CEP131: variants seen among roughly 807,000 people sequenced by gnomAD.
CEP131 encodes centrosomal protein of 131 kDa.
In CEP131, 99 loss-of-function variants were observed where a neutral mutation model predicts 136.8. The ratio of observed to expected loss-of-function variants is 0.72; its 90% CI spans 0.62 to 0.86. CEP131 has a LOEUF of 0.86. Ranked by LOEUF, CEP131 falls within the 40% of genes least tolerant of loss-of-function variation. CEP131 has a pLI of 0.00. For synonymous variants in CEP131, 646 were observed against 612.7 expected (o/e 1.05, Z -0.80); for missense variants, 1,459 against 1,463.0 (o/e 1.00, Z 0.04).
intron 18 of CEP131, 21 bp downstream of exon 18, chr17:81,193,905 C>T (rs750678939): frequency 1.7e-5 from 26 of 1,530,814 alleles, no homozygotes; most frequent in South Asian, 6.0e-5. Context: ...CTGGCCCCAC[C>T]GGCCTGGGGC....
chr17:81,194,374 C>T (rs540497931), intron 17 of CEP131, among the ~76,000 whole-genome samples: 198 of 152,308 alleles, frequency 1.3e-3, no homozygotes, highest in African/African-American at 4.2e-3. Context: ...CTACCACTGA[C>T]GGCTCCCAGG....
At chr17:81,218,035 C>T (rs1301355169) in intron 2 of CEP131, among the ~76,000 whole-genome samples, 24 of 151,308 alleles carry the variant, frequency 1.6e-4, no homozygotes, top group African/African-American at 5.8e-4. Flanking sequence ...CTCCCCCTCC[C>T]TCTTTCTTTC....
rs546030598 is a variant in CEP131, at chr17:81,208,932, G to C, written c.268C>G (p.Pro90Ala). The change falls in exon 3 of 26, where the codon CCC becomes GCC. Residue 90 changes from proline (P) to alanine (A), a missense_variant. Transcript: ENST00000450824. This position sits in a 1 kb window ranked among gnomAD's most constrained non-coding sequence, Gnocchi z 5.6. The stretch of plus-strand genomic sequence containing the variant: ...TCCAAGGGCCTTAGGGGTTACCTGG[G>C]GGAGCCGCTCCGAGGCTGGCTGACC... ...TQVSQPRSGS[P>A]RPTEPTDFLM... 3 of 1,613,452 alleles carry C rather than the reference G, an allele frequency of 1.9e-6. No individual in the cohort carries two copies. In the South Asian group the frequency reaches 3.3e-5, roughly 18 times the overall value.
chr17:81,208,633 GA>G lies in CEP131; in HGVS notation c.272+294del, dbSNP rs2062066544. 6.6e-6 allele frequency among the ~76,000 whole-genome samples: 1 copy of G among 152,244 alleles called. No individual in the cohort carries two copies. The highest frequency in any genetic ancestry group is 1.5e-5 in the Non-Finnish European group (1 of 68,040). On this transcript the variant is annotated intron_variant, in intron 3 of 25. Coordinates refer to ENST00000450824, the MANE Select transcript of CEP131 (RefSeq NM_014984.4). This position sits in a 1 kb window ranked among gnomAD's most constrained non-coding sequence, Gnocchi z 5.6. ...GCTTTTGACATTCAGAGGGCAGGTG[GA>G]AAGGGCTTCAGCGGAGCCCTCAGGC...
Position 81,198,151 on chromosome 17 carries a change from C to A in CEP131, c.1434G>T (p.Arg478Ser), listed in dbSNP as rs769069871. Reference sequence around the variant, plus strand: ...AGGCGTATCTGCCCCTGTGATGGGTCCTGGGGCGGGGCAGCACGTCCGGCT... The same window carrying A: ...AGGCGTATCTGCCCCTGTGATGGGTACTGGGGCGGGGCAGCACGTCCGGCT... ...EKEPDVLPRP[R>S]THHRGRYAWA... Residue 478 changes from arginine to serine, a missense_variant, in exon 12 of 26, where the codon AGG becomes AGT. Arg to Ser is a moderately radical substitution (Grantham distance 110). Transcript: ENST00000450824. 2.0e-5 allele frequency: 32 copies of A among 1,575,202 alleles called. No individual in the cohort carries two copies. In the South Asian group the frequency reaches 3.3e-4, roughly 16 times the overall value.
chr17:81,220,012 T>A lies in CEP131; in HGVS notation c.45A>T (p.Pro15=), dbSNP rs140267756. ...CTGTCAGACTCAGGTCCACACCTGC[T>A]GGGCTGCGCTCCGGGACGCTGCCGA... is the stretch of plus-strand genomic sequence containing the variant. The part of the protein sequence containing the change: ...RAIGSVPERS[P]AGVDLSLTGL... Residue 15 remains proline (P), a synonymous_variant, in exon 2 of 26, where the codon CCA becomes CCT. Transcript: ENST00000450824. 9.3e-5 allele frequency: 150 copies of A among 1,608,810 alleles called. No homozygotes were observed. In the African/African-American group the frequency reaches 1.7e-3, roughly 18 times the overall value.
At chr17:81,222,466 G>T (rs2062408622) in intron 1 of CEP131, among the ~76,000 whole-genome samples, 1 of 152,238 alleles carries the variant, frequency 6.6e-6, no homozygotes. Flanking sequence ...GGGGACCGGA[G>T]GGGAGTGGAG....
In CEP131 at chr17:81,199,692, G is replaced by A. The variant is rs200775961; in HGVS notation, c.1023+27C>T. ...ACGGTCAGGCCTGGGCCACGGTGCT[G>A]CTCAGTGGTCCCTGCGCGGTCAGCA... On this transcript the variant is annotated intron_variant, in intron 9 of 25. Transcript: ENST00000450824. 2.3e-3 allele frequency: 3,756 copies of A among 1,604,652 alleles called. 58 individuals carry two copies. In the South Asian group the frequency reaches 0.024, roughly 10 times the overall value.
In CEP131 at chr17:81,189,760, C is replaced by A; in HGVS notation, c.*9G>T. ...TTCCGTTCTTCGACAGTGTTCCCGG[C>A]ATCCCTGGTCACTTGGTACTTGGCG... On this transcript the variant is annotated 3_prime_UTR_variant, in exon 26 of 26. Transcript: ENST00000450824. 1 of 1,591,156 alleles carries A rather than the reference C, an allele frequency of 6.3e-7. No individual in the cohort carries two copies. The highest frequency in any genetic ancestry group is 8.6e-7 in the Non-Finnish European group (1 of 1,166,094).
intron 15 of CEP131, 144 bp downstream of exon 15, chr17:81,196,557 G>C (rs2061758855): frequency 7.7e-7 from 1 of 1,295,698 alleles, no homozygotes; most frequent in African/African-American, 1.5e-5. Context: ...GAATGGCATG[G>C]GAAAGGCTTG....
chr17:81,190,565 G>A (rs2061614751), intron 24 of CEP131, 74 bp downstream of exon 24: 1 of 1,435,780 alleles, frequency 7.0e-7, no homozygotes, highest in Non-Finnish European at 9.1e-7. Context: ...GCCTCCTGGG[G>A]CTTGGAGCTG....
intron 19 of CEP131, 51 bp downstream of exon 19, chr17:81,192,685 G>GGGGGGGGGGGGGCCCCCCCC: frequency 2.1e-6 from 1 of 478,428 alleles, no homozygotes; most frequent in Non-Finnish European, 4.1e-6. Flanking sequence ...GGGGGGAGGG[G>GGGGGGGGGGGGGCCCCCCCC]TCAGCCAGCG....
chr17:81,199,095 C>T (rs980705126), intron 10 of CEP131, 124 bp from the exon 11 acceptor site: 28 of 967,102 alleles, frequency 2.9e-5, no homozygotes, highest in African/African-American at 2.0e-4. Context: ...GCAGAGGAGC[C>T]GCTGGGGAGC....
chr17:81,201,480 C>T (rs2061889982), intron 7 of CEP131, among the ~76,000 whole-genome samples: 2 of 152,224 alleles, frequency 1.3e-5, no homozygotes, highest in Non-Finnish European at 2.9e-5. Flanking sequence ...CAGGAGGCTC[C>T]GCCCACAGCC....
intron 24 of CEP131, 80 bp from the exon 25 acceptor site, chr17:81,190,055 G>A: frequency 7.6e-7 from 1 of 1,322,908 alleles, no homozygotes; most frequent in African/African-American, 1.5e-5. Context: ...AGGGTGCACG[G>A]GGCAGCCGCC....
Position 81,198,276 on chromosome 17 carries a change from C to G in CEP131, c.1309G>C (p.Ala437Pro). 6.2e-7 allele frequency: 1 copy of G among 1,602,890 alleles called. No individual in the cohort carries two copies. Among genetic ancestry groups the G allele is most frequent in the Non-Finnish European group, 8.5e-7 (1 of 1,174,782 alleles). Residue 437 changes from alanine to proline, a missense_variant, in exon 12 of 26, where the codon GCT becomes CCT. Physicochemically the swap from Ala to Pro is conservative, Grantham distance 27 (BLOSUM62 -1). Around this residue, in one of 3 missense-constraint regions of CEP131, gnomAD observed 1,026 missense variants for 964.2 expected, o/e 1.06. Coordinates refer to ENST00000450824, the MANE Select transcript of CEP131 (RefSeq NM_014984.4). Reference protein sequence around the residue: ...RTQDVLAQDAAGDNLEMMAPS... With the variant: ...RTQDVLAQDAPGDNLEMMAPS... ...GCCATCATCTCCAGGTTGTCCCCAG[C>G]TGCATCCTGGGCAAGAACGTCCTGC...
At chr17:81,200,243 T>C in intron 8 of CEP131, 86 bp downstream of exon 8, 1 of 1,060,956 alleles carries the variant, frequency 9.4e-7, no homozygotes, top group Non-Finnish European at 1.4e-6. Context: ...AGGCTTTGAT[T>C]CCACCTGTCC....
chr17:81,218,881 C>T (rs1397440141), intron 2 of CEP131, among the ~76,000 whole-genome samples: 4 of 152,258 alleles, frequency 2.6e-5, no homozygotes, highest in African/African-American at 9.6e-5. Flanking sequence ...AACTGCCCTC[C>T]AGACCCCTTC....
Position 81,197,762 on chromosome 17 carries a change from AG to A in CEP131, c.1596del (p.Leu533TrpfsTer34), listed in dbSNP as rs752500678. The stretch of plus-strand genomic sequence containing the variant: ...TGCCCAGACTTCTCCATCTCGTCCA[AG>A]AAGCTCATGATGCTTTGTAGCTTGG... ...SEAKLQSIMS[F>X]LDEMEKSGQD... On this transcript the variant is annotated frameshift_variant, in exon 13 of 26. Coordinates refer to ENST00000450824, the MANE Select transcript of CEP131 (RefSeq NM_014984.4). LOFTEE classifies it high-confidence loss of function. The A allele has an allele frequency of 1.9e-6, 3 of 1,612,966 alleles. No homozygotes were observed. Among genetic ancestry groups the A allele is most frequent in the Non-Finnish European group, 1.7e-6 (2 of 1,179,902 alleles).
Sources: allele counts gnomAD v4.1 joint callset (sites outside exome capture counted in the v4.1 genomes callset), GRCh38; gene constraint gnomAD v4.1.1; regional missense constraint gnomAD v4.1.1; non-coding constraint Gnocchi (gnomAD v3.1); transcripts MANE v1.5; gene names NCBI Gene and HGNC (gene_info 2026-07-23, HGNC 2026-07-21).